PTPRD: variants seen among roughly 807,000 people sequenced by gnomAD.
The protein encoded by PTPRD is protein tyrosine phosphatase receptor type D, also known as receptor-type tyrosine-protein phosphatase delta.
In PTPRD, 34 loss-of-function variants were observed where a neutral mutation model predicts 214.5. The observed-to-expected ratio is 0.16, with a 90% confidence interval of 0.12 to 0.21. The LOEUF (loss-of-function observed/expected upper bound fraction) is 0.21, where lower values mean the gene tolerates loss of function less well. Ranked by LOEUF, PTPRD falls within the 10% of genes least tolerant of loss-of-function variation. The pLI is 1.00. For missense variants in PTPRD, 2,545 were observed against 2,398.7 expected, an observed-to-expected ratio of 1.06 and a Z score of -1.27; for synonymous variants, 1,128 against 845.7, an observed-to-expected ratio of 1.33 and a Z score of -5.79.
intron 8 of PTPRD, among the ~76,000 whole-genome samples, chr9:9,520,651 C>G (rs2096948670): frequency 6.6e-6 from 1 of 152,126 alleles, no homozygotes; most frequent in Admixed American, 6.5e-5. Context: ...AAATTATTTT[C>G]CATTTTTGGC....
chr9:10,025,995 A>G (rs1259691391), intron 4 of PTPRD, among the ~76,000 whole-genome samples: 3 of 152,212 alleles, frequency 2.0e-5, no homozygotes, highest in Non-Finnish European at 2.9e-5. Flanking sequence ...CTTCAAGGCT[A>G]AGGAAGGGTT....
intron 12 of PTPRD, among the ~76,000 whole-genome samples, chr9:8,703,583 G>C (rs1282414692): frequency 2.0e-5 from 3 of 152,072 alleles, no homozygotes; most frequent in African/African-American, 7.2e-5. Flanking sequence ...CAACTCTATT[G>C]TTTTTCTTTC....
At chr9:8,971,561 ATAGT>A (rs2099238514) in intron 11 of PTPRD, among the ~76,000 whole-genome samples, 1 of 151,772 alleles carries the variant, frequency 6.6e-6, no homozygotes, top group Non-Finnish European at 1.5e-5. Flanking sequence ...GGTCTGCTAC[ATAGT>A]TAAAGTTCAA....
At position 9,201,128 on chromosome 9, in the gene PTPRD, C is replaced by T. The variant is rs532689732; in HGVS notation, c.-202-17765G>A. Among the ~76,000 whole-genome samples the T allele has an allele frequency of 3.9e-5, 6 of 152,254 alleles. No individual in the cohort carries two copies. In the East Asian group the frequency reaches 1.2e-3, roughly 29 times the overall value. ...TTTATTTGACTACAAACACTGACAT[C>T]TTCAGAAAAGCTTTTTTCTTTTTTT... On this transcript the variant is annotated intron_variant, in intron 9 of 45. Coordinates refer to ENST00000381196, the MANE Select transcript of PTPRD (RefSeq NM_002839.4).
chr9:10,564,411 G>A (rs1452384716), intron 2 of PTPRD, among the ~76,000 whole-genome samples: 5 of 150,416 alleles, frequency 3.3e-5, no homozygotes, highest in South Asian at 2.1e-4. Flanking sequence ...TTGGCAGTAG[G>A]AGGCACTGAA....
intron 39 of PTPRD, among the ~76,000 whole-genome samples, chr9:8,346,925 G>C (rs944634365): frequency 6.6e-6 from 1 of 152,128 alleles, no homozygotes; most frequent in Non-Finnish European, 1.5e-5. Context: ...AACTGCAAAA[G>C]CTACGGCCAC....
At chr9:10,211,280 A>T (rs2099515708) in intron 3 of PTPRD, among the ~76,000 whole-genome samples, 1 of 152,170 alleles carries the variant, frequency 6.6e-6, no homozygotes, top group South Asian at 2.1e-4. Flanking sequence ...AAAAACTAGA[A>T]TTCTAAAACA....
At chr9:9,100,109 T>G (rs1332938053) in intron 10 of PTPRD, among the ~76,000 whole-genome samples, 1 of 152,210 alleles carries the variant, frequency 6.6e-6, no homozygotes, top group Non-Finnish European at 1.5e-5. Context: ...AGATTATTTA[T>G]TTATTTTTAA....
chr9:9,775,136 T>C (rs1421394428), intron 5 of PTPRD, among the ~76,000 whole-genome samples: 1 of 152,210 alleles, frequency 6.6e-6, no homozygotes, highest in African/African-American at 2.4e-5. Flanking sequence ...TTTACGTATC[T>C]GTCACCCCAC....
In PTPRD at chr9:9,588,103, T is replaced by C. The variant is rs1233062901; in HGVS notation, c.-286-13322A>G. On this transcript the variant is annotated intron_variant, in intron 7 of 45. Transcript: ENST00000381196. ...TCCAAACATGTAACAAACATTCATC[T>C]GTACCCCTAAATATATAAACTATCA... Among the ~76,000 whole-genome samples, 19 of 151,946 alleles carry C rather than the reference T, an allele frequency of 1.3e-4. 1 individual carries two copies. Among genetic ancestry groups the C allele is most frequent in the Admixed American group, 1.2e-3 (19 of 15,214 alleles).
chr9:10,093,589 T>C (rs1459947276), intron 3 of PTPRD, among the ~76,000 whole-genome samples: 2 of 151,560 alleles, frequency 1.3e-5, no homozygotes, highest in Admixed American at 1.3e-4. Context: ...ATCCCATTAC[T>C]GGGTATATAT....
intron 9 of PTPRD, among the ~76,000 whole-genome samples, chr9:9,300,743 C>T (rs1334907442): frequency 6.6e-6 from 1 of 151,788 alleles, no homozygotes; most frequent in Non-Finnish European, 1.5e-5. Context: ...TGATCTCAGA[C>T]TTTCAATTTT....
chr9:9,113,406 T>TA (rs2099808909), intron 10 of PTPRD, among the ~76,000 whole-genome samples: 1 of 152,114 alleles, frequency 6.6e-6, no homozygotes, highest in African/African-American at 2.4e-5. Context: ...GAGAGTGTTG[T>TA]CCTAAAGGAG....
chr9:10,054,463 T>A (rs1055735014), intron 3 of PTPRD, among the ~76,000 whole-genome samples: 2 of 152,172 alleles, frequency 1.3e-5, no homozygotes, highest in Non-Finnish European at 2.9e-5. Flanking sequence ...AAAGGCTTCC[T>A]TCTAACTAAT....
intron 8 of PTPRD, among the ~76,000 whole-genome samples, chr9:9,501,005 A>G (rs2096396612): frequency 6.6e-6 from 1 of 152,152 alleles, no homozygotes; most frequent in South Asian, 2.1e-4. Context: ...ACACACTGCT[A>G]TGGCTAAAAA....
At chr9:10,495,454 C>A (rs995077500) in intron 2 of PTPRD, among the ~76,000 whole-genome samples, 15 of 151,776 alleles carry the variant, frequency 9.9e-5, no homozygotes, top group Non-Finnish European at 1.3e-4. Flanking sequence ...TAAAATGAAT[C>A]CTCATTCACC....
rs113974569 is a variant in PTPRD, at chr9:10,287,339, C to T, written c.-545+53624G>A. Among the ~76,000 whole-genome samples, 92 of 152,210 alleles carry T rather than the reference C, an allele frequency of 6.0e-4. 1 individual carries two copies. Among genetic ancestry groups the T allele is most frequent in the African/African-American group, 2.0e-3 (83 of 41,528 alleles). ...GGCCAAACCGGCTTAAAACCACTAG[C>T]GTATGCAACAGGATGCCTCTACATA... is the stretch of plus-strand genomic sequence containing the variant. On this transcript the variant is annotated intron_variant, in intron 3 of 45. Coordinates refer to ENST00000381196, the MANE Select transcript of PTPRD (RefSeq NM_002839.4).
chr9:8,950,462 C>T, intron 11 of PTPRD, among the ~76,000 whole-genome samples: 1 of 148,774 alleles, frequency 6.7e-6, no homozygotes, highest in East Asian at 2.0e-4. Flanking sequence ...TGCACCAATT[C>T]AGTCACCTTC....
intron 3 of PTPRD, among the ~76,000 whole-genome samples, chr9:10,161,849 A>G (rs1226546271): frequency 6.6e-6 from 1 of 151,840 alleles, no homozygotes; most frequent in Admixed American, 6.6e-5. Context: ...TCAATAGCAA[A>G]AAGATAATAA....
Sources: gnomAD v4.1 joint callset for allele counts (sites outside exome capture counted in the v4.1 genomes callset) on GRCh38, gnomAD v4.1.1 for gene constraint, MANE v1.5 for transcripts, NCBI Gene and HGNC (gene_info 2026-07-23, HGNC 2026-07-21) for gene names.